The following MAN1C1 variants were observed in gnomAD, a reference collection of about 807,000 sequenced individuals.
MAN1C1 encodes mannosidase alpha class 1C member 1, also known as mannosyl-oligosaccharide 1,2-alpha-mannosidase IC.
In MAN1C1, 49 loss-of-function variants were observed where a neutral mutation model predicts 71.5. That is an observed-to-expected ratio of 0.69 (90% confidence interval 0.54 to 0.87). The LOEUF is 0.87. Ranked by LOEUF, MAN1C1 falls within the 40% of genes least tolerant of loss-of-function variation. MAN1C1 has a pLI of 0.00. For synonymous variants in MAN1C1, 352 were observed against 343.7 expected, an observed-to-expected ratio of 1.02 and a Z score of -0.27; for missense variants, 743 against 835.0, an observed-to-expected ratio of 0.89 and a Z score of 1.36.
intron 2 of MAN1C1, among the ~76,000 whole-genome samples, chr1:25,720,132 A>G (rs2046743502): frequency 6.6e-6 from 1 of 152,136 alleles, no homozygotes; most frequent in Admixed American, 6.5e-5. Context: ...GATGTTAAAC[A>G]TCTTTTCATG....
chr1:25,662,939 G>C (rs1345575257), intron 1 of MAN1C1, among the ~76,000 whole-genome samples: 1 of 151,620 alleles, frequency 6.6e-6, no homozygotes, highest in Non-Finnish European at 1.5e-5. Context: ...GGCACCTGTA[G>C]TCCCAGCTCC....
At chr1:25,717,487 C>T (rs1424083452) in intron 2 of MAN1C1, among the ~76,000 whole-genome samples, 2 of 151,996 alleles carry the variant, frequency 1.3e-5, no homozygotes, top group Non-Finnish European at 1.5e-5. Flanking sequence ...CATACTACTG[C>T]GGTCCAACCT....
chr1:25,767,543 C>T (rs148719949), intron 7 of MAN1C1, among the ~76,000 whole-genome samples: 56 of 143,744 alleles, frequency 3.9e-4, no homozygotes, highest in Admixed American at 1.2e-3. Context: ...TACACACACT[C>T]CCCTCACACA....
intron 9 of MAN1C1, among the ~76,000 whole-genome samples, chr1:25,780,413 CTCTCGAAGTTTGTTCTGGGAGGTGTTA>C (rs1421960702): frequency 6.6e-6 from 1 of 152,118 alleles, no homozygotes; most frequent in Non-Finnish European, 1.5e-5. Context: ...TGTTCCCAAA[CTCTCGAAGTTTGTTCTGGGAGGTGTTA>C]AAAGCAGTTT....
intron 1 of MAN1C1, among the ~76,000 whole-genome samples, chr1:25,671,372 T>C (rs1213725240): frequency 6.6e-6 from 1 of 152,232 alleles, no homozygotes; most frequent in Non-Finnish European, 1.5e-5. Context: ...TGAGCCATTG[T>C]TGTATTGATG....
At chr1:25,702,197 T>C (rs1406796285) in intron 2 of MAN1C1, among the ~76,000 whole-genome samples, 2 of 152,176 alleles carry the variant, frequency 1.3e-5, no homozygotes, top group African/African-American at 4.8e-5. Flanking sequence ...CCCGTGGGGC[T>C]GCTTAGAAAG....
In MAN1C1 at chr1:25,769,913, T is replaced by TA. The variant is rs2047524288; in HGVS notation, c.1142-1743dup. Among the ~76,000 whole-genome samples the TA allele has an allele frequency of 6.6e-6, 1 of 151,070 alleles. No homozygotes were observed. The highest frequency in any genetic ancestry group is 6.6e-5 in the Admixed American group (1 of 15,244). On this transcript the variant is annotated intron_variant, in intron 7 of 11. Coordinates refer to ENST00000374332, the MANE Select transcript of MAN1C1 (RefSeq NM_020379.4). The surrounding 1 kb of genome is among the most constrained non-coding windows in gnomAD (Gnocchi z 4.8). ...TTTCACTTAATCCCCGTGGCCACCC[T>TA]ATGGGGAGGGACCGGGAGCAGGCTT...
intron 2 of MAN1C1, among the ~76,000 whole-genome samples, chr1:25,724,388 C>G (rs1204690632): frequency 6.6e-6 from 1 of 152,098 alleles, no homozygotes; most frequent in Non-Finnish European, 1.5e-5. Context: ...GTCGGATGAT[C>G]TAAGAGATCC....
At chr1:25,644,774 A>C (rs1027288767) in intron 1 of MAN1C1, 3 of 151,994 alleles carry the variant, frequency 2.0e-5, no homozygotes, top group African/African-American at 7.3e-5. Context: ...CTCCTGCCTC[A>C]GCCTCCCAAA....
intron 1 of MAN1C1, among the ~76,000 whole-genome samples, chr1:25,672,167 G>C (rs1313833192): frequency 6.6e-6 from 1 of 152,198 alleles, no homozygotes; most frequent in Non-Finnish European, 1.5e-5. Context: ...TTGTTGTTCT[G>C]ATTCCAAGGG....
chr1:25,658,454 C>T (rs2045799759), intron 1 of MAN1C1, among the ~76,000 whole-genome samples: 1 of 152,082 alleles, frequency 6.6e-6, no homozygotes, highest in South Asian at 2.1e-4. Flanking sequence ...AAACTTGCTG[C>T]TGCTTCTTTT....
intron 1 of MAN1C1, 133 bp downstream of exon 1, chr1:25,618,470 A>C (rs2045151135): frequency 1.2e-6 from 1 of 807,356 alleles, no homozygotes; most frequent in Non-Finnish European, 1.9e-6. Flanking sequence ...TGCAGACTGC[A>C]CTTTGCACCT....
chr1:25,681,673 T>C (rs78776590), intron 1 of MAN1C1, among the ~76,000 whole-genome samples: 21,579 of 152,176 alleles, frequency 0.14, 1,742 homozygotes, highest in East Asian at 0.3. Flanking sequence ...ATTAGAATTG[T>C]TAGGTCATAT....
intron 2 of MAN1C1, among the ~76,000 whole-genome samples, chr1:25,714,891 G>C (rs967590139): frequency 1.3e-5 from 2 of 152,094 alleles, no homozygotes; most frequent in African/African-American, 2.4e-5. Context: ...TGACCCTCAA[G>C]GTCAACTATG....
intron 1 of MAN1C1, among the ~76,000 whole-genome samples, chr1:25,673,823 G>T (rs2046026606): frequency 6.6e-6 from 1 of 152,188 alleles, no homozygotes; most frequent in Non-Finnish European, 1.5e-5. Flanking sequence ...TGTAAAATGG[G>T]GGTGATTACC....
At chr1:25,669,727 C>T (rs975746093) in intron 1 of MAN1C1, among the ~76,000 whole-genome samples, 1 of 152,176 alleles carries the variant, frequency 6.6e-6, no homozygotes, top group African/African-American at 2.4e-5. Context: ...CTGCAGTGAG[C>T]TACTATCATA....
At chr1:25,741,930 G>A (rs542785710) in intron 2 of MAN1C1, among the ~76,000 whole-genome samples, 1 of 152,148 alleles carries the variant, frequency 6.6e-6, no homozygotes, top group Non-Finnish European at 1.5e-5. Flanking sequence ...TGGAGACAAG[G>A]CTGGAAGGTT....
chr1:25,690,348 A>G (rs944531463), intron 2 of MAN1C1, among the ~76,000 whole-genome samples: 1 of 138,248 alleles, frequency 7.2e-6, no homozygotes, highest in Non-Finnish European at 1.5e-5. Context: ...GCTGGAGTGC[A>G]GTAGTGCGAT....
At chr1:25,707,184 T>C (rs2046535204) in intron 2 of MAN1C1, among the ~76,000 whole-genome samples, 1 of 152,242 alleles carries the variant, frequency 6.6e-6, no homozygotes, top group Admixed American at 6.5e-5. Flanking sequence ...ACAGATTTCT[T>C]ATTCTTTAAA....
Sources: gnomAD v4.1 joint callset for allele counts (sites outside exome capture counted in the v4.1 genomes callset) on GRCh38, gnomAD v4.1.1 for gene constraint, Gnocchi (gnomAD v3.1) non-coding constraint, MANE v1.5 for transcripts, NCBI Gene and HGNC (gene_info 2026-07-23, HGNC 2026-07-21) for gene names.